RGS6: variants seen among roughly 807,000 people sequenced by gnomAD.
The protein encoded by RGS6 is regulator of G-protein signaling 6.
Under a neutral mutation model 78.5 loss-of-function variants are expected in RGS6, and 30 were observed. The ratio of observed to expected loss-of-function variants is 0.38; its 90% CI spans 0.29 to 0.52. The LOEUF is 0.52. Ranked by LOEUF, RGS6 falls within the 20% of genes least tolerant of loss-of-function variation. The pLI is 0.85. For synonymous variants in RGS6, 206 were observed against 206.0 expected, an observed-to-expected ratio of 1.00 and a Z score of 0.00; for missense variants, 495 against 609.7, an observed-to-expected ratio of 0.81 and a Z score of 1.98.
intron 1 of RGS6, chr14:71,933,413 G>A (rs2088231056): frequency 6.6e-6 from 1 of 152,148 alleles, no homozygotes; most frequent in South Asian, 2.1e-4. Flanking sequence ...AGGTGTGGAG[G>A]GCAGGGGCGG....
chr14:72,088,273 C>G (rs540528932), intron 2 of RGS6, among the ~76,000 whole-genome samples: 2 of 152,192 alleles, frequency 1.3e-5, no homozygotes, highest in African/African-American at 4.8e-5. Context: ...TCATTTGAAT[C>G]AGAGCTGCAA....
At chr14:72,291,291 A>T (rs2063533463) in intron 2 of RGS6, among the ~76,000 whole-genome samples, 1 of 151,992 alleles carries the variant, frequency 6.6e-6, no homozygotes, top group African/African-American at 2.4e-5. Context: ...TCCCCATGCC[A>T]TCATTTCAAC....
the RGS6 span, among the ~76,000 whole-genome samples, chr14:71,921,584 C>A: frequency 6.6e-6 from 1 of 152,124 alleles, no homozygotes; most frequent in African/African-American, 2.4e-5. Context: ...CCCTGGCAGA[C>A]ATTATATTAA....
intron 3 of RGS6, among the ~76,000 whole-genome samples, chr14:72,424,801 G>T (rs908077889): frequency 3.3e-5 from 5 of 152,136 alleles, no homozygotes; most frequent in African/African-American, 9.7e-5. Context: ...GAGTTCTGGG[G>T]GGGCAATGCT....
At chr14:72,104,378 ATATTTT>A (rs1344964788) in intron 2 of RGS6, among the ~76,000 whole-genome samples, 1 of 152,220 alleles carries the variant, frequency 6.6e-6, no homozygotes, top group Admixed American at 6.5e-5. Flanking sequence ...TTGTTGTTTT[ATATTTT>A]TATTATGTTA....
At chr14:72,582,965 C>G in the RGS6 span, among the ~76,000 whole-genome samples, 1 of 150,320 alleles carries the variant, frequency 6.7e-6, no homozygotes, top group East Asian at 1.9e-4. Flanking sequence ...AAAAAATTGC[C>G]CTTACTTTTT....
At chr14:72,267,257 T>C (rs1390059786) in intron 2 of RGS6, among the ~76,000 whole-genome samples, 2 of 152,212 alleles carry the variant, frequency 1.3e-5, no homozygotes, top group African/African-American at 2.4e-5. Flanking sequence ...AGCCAATTTT[T>C]ATATGTTTAG....
rs1247932352 is a variant in RGS6, at chr14:72,035,320, T to G, written c.84+70445T>G. On this transcript the variant is annotated intron_variant, in intron 2 of 17. Coordinates refer to ENST00000553525, the MANE Select transcript of RGS6 (RefSeq NM_001204424.2). ...GCAATATATTATAATCCTTTTTATT[T>G]GGACATCAGGTATAATATCTCCTCT... Among the ~76,000 whole-genome samples, 3 of 151,982 alleles carry G rather than the reference T, an allele frequency of 2.0e-5. No individual in the cohort carries two copies. The East Asian group carries it at 5.8e-4, about 29-fold the overall frequency.
chr14:72,374,451 A>G (rs1034745491), intron 3 of RGS6, among the ~76,000 whole-genome samples: 2 of 152,218 alleles, frequency 1.3e-5, no homozygotes, highest in South Asian at 2.1e-4. Context: ...AGCCAACCCT[A>G]ATGTCCATCA....
intron 2 of RGS6, among the ~76,000 whole-genome samples, chr14:72,082,301 G>T (rs1011683353): frequency 2.0e-5 from 3 of 151,904 alleles, no homozygotes; most frequent in Non-Finnish European, 4.4e-5. Flanking sequence ...TTCATTTCTT[G>T]TATCTTCAAT....
At chr14:72,126,793 A>G (rs2096204731) in intron 2 of RGS6, among the ~76,000 whole-genome samples, 1 of 152,206 alleles carries the variant, frequency 6.6e-6, no homozygotes, top group South Asian at 2.1e-4. Context: ...AGCTGAGTCA[A>G]TAAGGAAAAC....
chr14:71,869,407 G>T, the RGS6 span, among the ~76,000 whole-genome samples: 1 of 152,128 alleles, frequency 6.6e-6, no homozygotes, highest in Non-Finnish European at 1.5e-5. Flanking sequence ...TGATTCCAGG[G>T]GACCTTTCCC....
intron 2 of RGS6, among the ~76,000 whole-genome samples, chr14:71,973,514 G>A (rs922671616): frequency 4.6e-5 from 7 of 151,982 alleles, no homozygotes; most frequent in Non-Finnish European, 8.8e-5. Context: ...GCAAAACCCT[G>A]TCTCTACTAA....
At chr14:72,149,012 A>G (rs1298346249) in intron 2 of RGS6, among the ~76,000 whole-genome samples, 1 of 152,180 alleles carries the variant, frequency 6.6e-6, no homozygotes, top group Non-Finnish European at 1.5e-5. Context: ...TTATCTCCGC[A>G]CCACTTGGTG....
chr14:72,372,698 C>T (rs908560933), intron 3 of RGS6, among the ~76,000 whole-genome samples: 4 of 152,092 alleles, frequency 2.6e-5, no homozygotes, highest in African/African-American at 9.7e-5. Flanking sequence ...ATTTTTCCTC[C>T]CACTAAGCCA....
At chr14:72,272,341 G>A (rs567122783) in intron 2 of RGS6, among the ~76,000 whole-genome samples, 1 of 152,322 alleles carries the variant, frequency 6.6e-6, no homozygotes, top group South Asian at 2.1e-4. Context: ...AATAGCACTT[G>A]CCTGGTAATC....
chr14:72,190,836 A>G (rs937627134), intron 2 of RGS6, among the ~76,000 whole-genome samples: 1 of 152,192 alleles, frequency 6.6e-6, no homozygotes, highest in African/African-American at 2.4e-5. Flanking sequence ...CCTCTTTTCC[A>G]GCTGTTCAAT....
At chr14:72,111,498 G>T (rs1597746848) in intron 2 of RGS6, among the ~76,000 whole-genome samples, 1 of 152,058 alleles carries the variant, frequency 6.6e-6, no homozygotes, top group African/African-American at 2.4e-5. Flanking sequence ...ATCTTAAATG[G>T]GAAGACAAGG....
rs139269299 is a variant in RGS6, at chr14:72,394,815, G to A, written c.184+42621G>A. 1.0e-3 allele frequency among the ~76,000 whole-genome samples: 153 copies of A among 152,254 alleles called. 2 individuals are homozygous for A. The highest frequency in any genetic ancestry group is 6.0e-3 in the South Asian group (29 of 4,818). ...TTAAGAGATTAAAGTAAAGACAGGCGTAAGAAATCACAAGAATATTGATTG... is the reference window on the plus strand; with the variant it reads ...TTAAGAGATTAAAGTAAAGACAGGCATAAGAAATCACAAGAATATTGATTG... On this transcript the variant is annotated intron_variant, in intron 3 of 17. Coordinates refer to ENST00000553525, the MANE Select transcript of RGS6 (RefSeq NM_001204424.2).
Sources: allele counts gnomAD v4.1 joint callset (sites outside exome capture counted in the v4.1 genomes callset), GRCh38; gene constraint gnomAD v4.1.1; transcripts MANE v1.5; gene names NCBI Gene and HGNC (gene_info 2026-07-23, HGNC 2026-07-21).